PRELID2: variants seen among roughly 807,000 people sequenced by gnomAD.
PRELID2 encodes PRELI domain-containing protein 2.
Under a neutral mutation model 28.4 loss-of-function variants are expected in PRELID2, and 25 were observed. The ratio of observed to expected loss-of-function variants is 0.88; its 90% CI spans 0.64 to 1.23. The LOEUF is 1.23. Ranked by LOEUF, PRELID2 falls within the 50% of genes most tolerant of loss-of-function variation. The pLI is 0.00. For synonymous variants in PRELID2, 76 were observed against 71.6 expected, an observed-to-expected ratio of 1.06 and a Z score of -0.31; for missense variants, 201 against 214.4, an observed-to-expected ratio of 0.94 and a Z score of 0.39.
intron 1 of PRELID2, among the ~76,000 whole-genome samples, chr5:145,547,824 C>G (rs1258863012): frequency 6.6e-6 from 1 of 152,036 alleles, no homozygotes; most frequent in Admixed American, 6.5e-5. Flanking sequence ...AACCAGCCAG[C>G]TTTTTCATCA....
intron 1 of PRELID2, among the ~76,000 whole-genome samples, chr5:145,516,737 A>C (rs1180087528): frequency 6.6e-6 from 1 of 152,190 alleles, no homozygotes; most frequent in East Asian, 1.9e-4. Flanking sequence ...ATGTTAAACT[A>C]TACTACAAGG....
the PRELID2 span, among the ~76,000 whole-genome samples, chr5:145,380,376 G>C: frequency 6.6e-6 from 1 of 152,092 alleles, no homozygotes; most frequent in Admixed American, 6.6e-5. Flanking sequence ...GATCTGTTAG[G>C]AGCACGCCAG....
intron 1 of PRELID2, among the ~76,000 whole-genome samples, chr5:145,646,613 C>T (rs142844994): frequency 3.7e-4 from 56 of 152,274 alleles, no homozygotes; most frequent in African/African-American, 1.3e-3. Flanking sequence ...GGAAAAAAGC[C>T]GTTCTGGTTT....
the PRELID2 span, among the ~76,000 whole-genome samples, chr5:145,324,927 C>A: frequency 6.6e-6 from 1 of 152,092 alleles, no homozygotes; most frequent in Non-Finnish European, 1.5e-5. Flanking sequence ...GGTTCTGTTT[C>A]ATTCAATACA....
At chr5:145,314,526 A>G in the PRELID2 span, among the ~76,000 whole-genome samples, 1 of 152,028 alleles carries the variant, frequency 6.6e-6, no homozygotes, top group Non-Finnish European at 1.5e-5. Flanking sequence ...TTAAAAAGTA[A>G]CTGATTTACA....
intron 1 of PRELID2, among the ~76,000 whole-genome samples, chr5:145,678,806 A>T (rs1754875276): frequency 6.6e-6 from 1 of 152,170 alleles, no homozygotes; most frequent in South Asian, 2.1e-4. Flanking sequence ...TTGTAAGATG[A>T]TTATAGGAGT....
At chr5:145,250,750 G>A in the PRELID2 span, among the ~76,000 whole-genome samples, 1 of 152,006 alleles carries the variant, frequency 6.6e-6, no homozygotes, top group East Asian at 1.9e-4. Flanking sequence ...TTTTAAAGTG[G>A]GATATAAAAC....
At chr5:145,452,578 A>T in the PRELID2 span, among the ~76,000 whole-genome samples, 1 of 152,162 alleles carries the variant, frequency 6.6e-6, no homozygotes, top group African/African-American at 2.4e-5. Flanking sequence ...TGTAGCACAG[A>T]TCACACTGGA....
At chr5:145,368,025 A>G in the PRELID2 span, among the ~76,000 whole-genome samples, 2 of 151,946 alleles carry the variant, frequency 1.3e-5, no homozygotes, top group Admixed American at 1.3e-4. Context: ...AATTAATAAG[A>G]GTTCCTGTTG....
intron 1 of PRELID2, among the ~76,000 whole-genome samples, chr5:145,748,019 AG>A (rs1190305003): frequency 1.3e-5 from 2 of 152,338 alleles, no homozygotes; most frequent in East Asian, 3.9e-4. Flanking sequence ...CAAAATAATA[AG>A]AGCCATTTAT....
the PRELID2 span, among the ~76,000 whole-genome samples, chr5:145,269,694 A>G: frequency 1.3e-5 from 2 of 151,010 alleles, no homozygotes; most frequent in Non-Finnish European, 3.0e-5. Flanking sequence ...AGAGAAGACG[A>G]GCCAAACTAT....
At chr5:145,267,375 C>A in the PRELID2 span, among the ~76,000 whole-genome samples, 2 of 152,244 alleles carry the variant, frequency 1.3e-5, no homozygotes, top group African/African-American at 4.8e-5. Context: ...TACTTTGCAT[C>A]CTTCAATCCC....
At chr5:145,249,457 T>A in the PRELID2 span, among the ~76,000 whole-genome samples, 1 of 152,162 alleles carries the variant, frequency 6.6e-6, no homozygotes, top group African/African-American at 2.4e-5. Context: ...GACAATGGAC[T>A]GTTACATTCC....
chr5:145,715,757 T>A (rs1755825499), intron 1 of PRELID2, among the ~76,000 whole-genome samples: 1 of 152,210 alleles, frequency 6.6e-6, no homozygotes, highest in Non-Finnish European at 1.5e-5. Context: ...CCTATGAGTG[T>A]CCCATGGATG....
intron 1 of PRELID2, among the ~76,000 whole-genome samples, chr5:145,479,645 T>C (rs957645581): frequency 6.6e-6 from 1 of 152,234 alleles, no homozygotes; most frequent in Admixed American, 6.5e-5. Flanking sequence ...TCAGTAAATA[T>C]GTATTGGACT....
chr5:145,791,145 C>T (rs775237723), intron 5 of PRELID2, among the ~76,000 whole-genome samples: 6 of 151,866 alleles, frequency 4.0e-5, no homozygotes, highest in Non-Finnish European at 7.4e-5. Flanking sequence ...TGGCAGAAGG[C>T]GAATGAGGAG....
At chr5:145,697,074 T>TATAC (rs1755292645) in intron 1 of PRELID2, among the ~76,000 whole-genome samples, 1 of 113,902 alleles carries the variant, frequency 8.8e-6, no homozygotes, top group Non-Finnish European at 1.7e-5. Context: ...TATATATATA[T>TATAC]ATATATACAC....
At chr5:145,657,330 A>C (rs1754413910) in intron 1 of PRELID2, among the ~76,000 whole-genome samples, 1 of 152,188 alleles carries the variant, frequency 6.6e-6, no homozygotes, top group African/African-American at 2.4e-5. Flanking sequence ...ATAAATAAAT[A>C]GGCATGCTCA....
At chr5:145,744,786 G>T (rs1756943549) in intron 1 of PRELID2, among the ~76,000 whole-genome samples, 1 of 152,064 alleles carries the variant, frequency 6.6e-6, no homozygotes, top group Non-Finnish European at 1.5e-5. Flanking sequence ...AAATCCAAAA[G>T]GCCAGAGTCC....
Sources: gnomAD v4.1 joint callset for allele counts (sites outside exome capture counted in the v4.1 genomes callset) on GRCh38, gnomAD v4.1.1 for gene constraint, MANE v1.5 for transcripts, NCBI Gene and HGNC (gene_info 2026-07-23, HGNC 2026-07-21) for gene names.